ENTREP2: variants seen among roughly 807,000 people sequenced by gnomAD.
ENTREP2 encodes endosomal transmembrane epsin interactor 2, also known as protein ENTREP2.
the ENTREP2 span, among the ~76,000 whole-genome samples, chr15:29,644,574 G>A: frequency 1.3e-5 from 2 of 151,768 alleles, no homozygotes; most frequent in African/African-American, 2.4e-5. Flanking sequence ...AGGCCGAGGC[G>A]GGTGGATTGC....
At chr15:29,614,498 A>G in the ENTREP2 span, among the ~76,000 whole-genome samples, 2 of 152,026 alleles carry the variant, frequency 1.3e-5, no homozygotes, top group African/African-American at 4.8e-5. Flanking sequence ...CTCAATAAAT[A>G]TTTGTCTGCT....
At chr15:29,284,382 A>G in the ENTREP2 span, among the ~76,000 whole-genome samples, 1 of 151,830 alleles carries the variant, frequency 6.6e-6, no homozygotes, top group African/African-American at 2.4e-5. Flanking sequence ...ACATGGTGAA[A>G]CCCATCTCTA....
At chr15:29,494,384 G>C in the ENTREP2 span, among the ~76,000 whole-genome samples, 2 of 151,968 alleles carry the variant, frequency 1.3e-5, no homozygotes, top group African/African-American at 4.8e-5. Context: ...GCTTTATTGT[G>C]GTATAAGTGA....
the ENTREP2 span, among the ~76,000 whole-genome samples, chr15:29,345,908 T>C: frequency 6.6e-6 from 1 of 152,156 alleles, no homozygotes; most frequent in Non-Finnish European, 1.5e-5. Flanking sequence ...CGGACATTTA[T>C]TACCTGCCAG....
chr15:29,488,413 G>C, the ENTREP2 span, among the ~76,000 whole-genome samples: 8 of 152,046 alleles, frequency 5.3e-5, no homozygotes, highest in Non-Finnish European at 1.2e-4. Flanking sequence ...AGATTAACAG[G>C]TATGAAATGC....
chr15:29,380,990 T>C, the ENTREP2 span, among the ~76,000 whole-genome samples: 1 of 151,700 alleles, frequency 6.6e-6, no homozygotes, highest in Non-Finnish European at 1.5e-5. Context: ...TAGCTGGGAT[T>C]ACAGACACCC....
At chr15:29,122,202 A>G in the ENTREP2 span, 1 of 151,668 alleles carries the variant, frequency 6.6e-6, no homozygotes, top group Non-Finnish European at 1.5e-5. Flanking sequence ...TTCCACGGCC[A>G]TTGTTGGGAG....
the ENTREP2 span, among the ~76,000 whole-genome samples, chr15:29,179,625 G>A: frequency 3.4e-5 from 5 of 149,008 alleles, no homozygotes; most frequent in African/African-American, 7.4e-5. Flanking sequence ...CTGTTGCCCA[G>A]GCTGGAGTGC....
the ENTREP2 span, among the ~76,000 whole-genome samples, chr15:29,152,674 C>T: frequency 4.7e-4 from 72 of 152,294 alleles, no homozygotes; most frequent in African/African-American, 1.6e-3. Flanking sequence ...TCCTCAACAA[C>T]TGAAGAATAT....
At chr15:29,505,129 G>A in the ENTREP2 span, among the ~76,000 whole-genome samples, 1 of 152,362 alleles carries the variant, frequency 6.6e-6, no homozygotes, top group South Asian at 2.1e-4. The surrounding 1 kb of genome is among the most constrained non-coding windows in gnomAD (Gnocchi z 4.3). Context: ...ATGTTTAAGT[G>A]TTTAGAAAAC....
the ENTREP2 span, among the ~76,000 whole-genome samples, chr15:29,525,916 C>T: frequency 3.9e-4 from 60 of 152,308 alleles, no homozygotes; most frequent in African/African-American, 1.3e-3. Flanking sequence ...TAAGGCCCTC[C>T]TTTCCTGACA....
chr15:29,322,509 C>T, the ENTREP2 span, among the ~76,000 whole-genome samples: 4 of 152,112 alleles, frequency 2.6e-5, no homozygotes, highest in Non-Finnish European at 5.9e-5. Flanking sequence ...AATCCCGGGA[C>T]CCTAATTCAC....
the ENTREP2 span, among the ~76,000 whole-genome samples, chr15:29,187,713 ACT>A: frequency 1.2e-4 from 18 of 151,778 alleles, no homozygotes; most frequent in African/African-American, 4.4e-4. Context: ...TAAATTAAAA[ACT>A]CTTATTGATT....
chr15:29,427,430 C>T, the ENTREP2 span, among the ~76,000 whole-genome samples: 1 of 152,148 alleles, frequency 6.6e-6, no homozygotes, highest in African/African-American at 2.4e-5. Context: ...TAAAACAATA[C>T]AAAATTATCA....
At chr15:29,675,190 G>C in the ENTREP2 span, 2 of 152,734 alleles carry the variant, frequency 1.3e-5, no homozygotes, top group Non-Finnish European at 2.9e-5. Context: ...CTGCCTCCTG[G>C]CCGCCTCTGC....
At chr15:29,172,393 A>G in the ENTREP2 span, among the ~76,000 whole-genome samples, 7 of 152,192 alleles carry the variant, frequency 4.6e-5, no homozygotes, top group Admixed American at 4.6e-4. Flanking sequence ...GATGGTTGGA[A>G]GTGTCAGACA....
chr15:29,384,961 G>A, the ENTREP2 span, among the ~76,000 whole-genome samples: 2 of 152,068 alleles, frequency 1.3e-5, no homozygotes, highest in Non-Finnish European at 2.9e-5. Flanking sequence ...AGAAAATGGC[G>A]TCTTCTACTT....
the ENTREP2 span, among the ~76,000 whole-genome samples, chr15:29,507,320 A>AC: frequency 6.6e-6 from 1 of 152,160 alleles, no homozygotes; most frequent in East Asian, 1.9e-4. Context: ...AGAATTTAAC[A>AC]CCCCACTGTT....
At chr15:29,190,171 C>T in the ENTREP2 span, among the ~76,000 whole-genome samples, 1 of 152,272 alleles carries the variant, frequency 6.6e-6, no homozygotes, top group East Asian at 1.9e-4. Flanking sequence ...ACACCTGCAC[C>T]ATCGGTCAAT....
Sources: allele counts gnomAD v4.1 joint callset (sites outside exome capture counted in the v4.1 genomes callset), GRCh38; gene constraint gnomAD v4.1.1; non-coding constraint Gnocchi (gnomAD v3.1); transcripts MANE v1.5; gene names NCBI Gene and HGNC (gene_info 2026-07-23, HGNC 2026-07-21).